ARHGEF10L: variants seen among roughly 807,000 people sequenced by gnomAD.
The protein encoded by ARHGEF10L is Rho guanine nucleotide exchange factor 10 like.
ARHGEF10L carries 69 observed loss-of-function variants against 141.2 expected under a neutral mutation model. The observed-to-expected ratio is 0.49, with a 90% CI of 0.40 to 0.60. The LOEUF is 0.60. Among genes scored for constraint, ARHGEF10L ranks in the 20% least tolerant of loss-of-function variants. ARHGEF10L has a pLI of 0.00. For synonymous variants in ARHGEF10L, 711 were observed against 718.5 expected (o/e 0.99, Z 0.17); for missense variants, 1,482 against 1,734.3 (o/e 0.85, Z 2.58).
chr1:17,547,746 T>G (rs532271504), intron 1 of ARHGEF10L, among the ~76,000 whole-genome samples: 12 of 152,306 alleles, frequency 7.9e-5, no homozygotes, highest in African/African-American at 2.6e-4. Flanking sequence ...GCATGACCAC[T>G]GAAGAAAACA....
rs1394663761 is a variant in ARHGEF10L at position 17,675,979 on chromosome 1, G to A, written c.3009+11384G>A. On this transcript the variant is annotated intron_variant, in intron 26 of 28. Transcript: ENST00000361221. ...GTGTACAGGTGTGTGTGCAAGTGTG[G>A]GTGCAGGTGTGTGCAGGTGTGGGTG... Among the ~76,000 whole-genome samples the A allele has an allele frequency of 2.2e-5, 3 of 134,612 alleles. No homozygotes were observed. In the East Asian group the frequency reaches 7.0e-4, roughly 32 times the overall value. The allele number at this position is 134,612 out of a possible 152,430, so 88.3% of individuals were successfully genotyped here. A position where few individuals can be genotyped will look rare whatever the true frequency, so the allele number is the denominator to read the frequency against.
At chr1:17,633,216 C>T (rs2101704014) in intron 16 of ARHGEF10L, among the ~76,000 whole-genome samples, 1 of 152,366 alleles carries the variant, frequency 6.6e-6, no homozygotes, top group South Asian at 2.1e-4. Context: ...GCCCAGCTCA[C>T]CTGCTCGCAT....
At position 17,558,393 on chromosome 1, in the gene ARHGEF10L, C is replaced by T. The variant is rs947499009; in HGVS notation, c.-44+18443C>T. Among the ~76,000 whole-genome samples the T allele has an allele frequency of 2.0e-5, 3 of 152,306 alleles. No individual in the cohort carries two copies. Among genetic ancestry groups the T allele is most frequent in the Non-Finnish European group, 4.4e-5 (3 of 68,026 alleles). ...ACAGAAATGAAAGGCATTATTCTTG[C>T]CTTCAAGGAACTCACAGTCTAGTGG... On this transcript the variant is annotated intron_variant, in intron 1 of 28. Coordinates refer to ENST00000361221, the MANE Select transcript of ARHGEF10L (RefSeq NM_018125.4). This position sits in a 1 kb window ranked among gnomAD's most constrained non-coding sequence, Gnocchi z 4.2.
chr1:17,544,872 T>C (rs2764882), intron 1 of ARHGEF10L, among the ~76,000 whole-genome samples: 93,750 of 151,900 alleles, frequency 0.62, 29,361 homozygotes, highest in East Asian at 0.8. Flanking sequence ...AAAGGCACAT[T>C]TTACATGGTG....
At chr1:17,649,399 G>T (rs531205174) in intron 22 of ARHGEF10L, among the ~76,000 whole-genome samples, 24 of 152,276 alleles carry the variant, frequency 1.6e-4, no homozygotes, top group African/African-American at 5.8e-4. Context: ...GGGAGATGAG[G>T]TCATCTCAGC....
chr1:17,618,256 C>CG, intron 9 of ARHGEF10L: 1 of 1,371,144 alleles, frequency 7.3e-7, no homozygotes. Flanking sequence ...CTCCTCAGCC[C>CG]TCCCCACCCC....
chr1:17,545,615 A>G (rs2248697), intron 1 of ARHGEF10L, among the ~76,000 whole-genome samples: 11,744 of 152,218 alleles, frequency 0.077, 512 homozygotes, highest in African/African-American at 0.098. Flanking sequence ...CCGTGGACAA[A>G]TTAAGTAGCT....
intron 4 of ARHGEF10L, among the ~76,000 whole-genome samples, chr1:17,589,745 G>A (rs2079372422): frequency 6.6e-6 from 1 of 152,198 alleles, no homozygotes; most frequent in African/African-American, 2.4e-5. Flanking sequence ...GGCCGTGATG[G>A]CTGCAGTCTT....
intron 26 of ARHGEF10L, among the ~76,000 whole-genome samples, chr1:17,679,294 A>G (rs186340557): frequency 1.2e-3 from 190 of 152,346 alleles, no homozygotes; most frequent in Non-Finnish European, 1.7e-3. Flanking sequence ...CTCCTGGTGC[A>G]CAACCTCTTG....
At chr1:17,540,756 C>G (rs2076695927) in intron 1 of ARHGEF10L, among the ~76,000 whole-genome samples, 1 of 152,204 alleles carries the variant, frequency 6.6e-6, no homozygotes, top group Admixed American at 6.5e-5. Context: ...CTGCACTTTC[C>G]CACTGGCTTT....
chr1:17,634,721 C>G (rs917517195), intron 17 of ARHGEF10L, 114 bp from the exon 18 acceptor site: 1 of 1,455,218 alleles, frequency 6.9e-7, no homozygotes, highest in African/African-American at 1.4e-5. Flanking sequence ...TGAGGTCTTG[C>G]GCTGGGGCTG....
chr1:17,668,154 C>T (rs538732107), intron 26 of ARHGEF10L, among the ~76,000 whole-genome samples: 1 of 152,294 alleles, frequency 6.6e-6, no homozygotes, highest in East Asian at 1.9e-4. Context: ...GCAGGGTGAA[C>T]ATTATTTGCT....
intron 15 of ARHGEF10L, among the ~76,000 whole-genome samples, chr1:17,628,517 C>T (rs1425934871): frequency 6.6e-6 from 1 of 152,040 alleles, no homozygotes; most frequent in East Asian, 1.9e-4. Context: ...ACACCCCAGC[C>T]CCCCTGTTCA....
At chr1:17,604,070 C>T (rs577286437) in intron 6 of ARHGEF10L, among the ~76,000 whole-genome samples, 3 of 152,112 alleles carry the variant, frequency 2.0e-5, no homozygotes, top group Non-Finnish European at 4.4e-5. Flanking sequence ...CTGGAACTCA[C>T]CTGATGGAAG....
chr1:17,597,282 G>T (rs2080200080), intron 4 of ARHGEF10L, among the ~76,000 whole-genome samples: 1 of 152,126 alleles, frequency 6.6e-6, no homozygotes, highest in Non-Finnish European at 1.5e-5. Context: ...GGTTTTTATG[G>T]CTCTTTTATG....
chr1:17,587,843 G>T (rs1042981071), intron 3 of ARHGEF10L, among the ~76,000 whole-genome samples, 198 bp downstream of exon 3: 2 of 152,238 alleles, frequency 1.3e-5, no homozygotes, highest in African/African-American at 4.8e-5. Context: ...GCAACATCTG[G>T]CGCACTTTGG....
At chr1:17,520,436 C>T in the ARHGEF10L span, among the ~76,000 whole-genome samples, 2 of 152,350 alleles carry the variant, frequency 1.3e-5, no homozygotes, top group African/African-American at 2.4e-5. Context: ...CGGAGGACTG[C>T]GATTGGACTG....
chr1:17,534,849 A>G (rs1300249179), upstream of ARHGEF10L, among the ~76,000 whole-genome samples: 1 of 151,786 alleles, frequency 6.6e-6, no homozygotes, highest in African/African-American at 2.4e-5. Context: ...TTGGCATCCT[A>G]AAGTGCTGAG....
chr1:17,522,196 T>A, the ARHGEF10L span, among the ~76,000 whole-genome samples: 2 of 152,212 alleles, frequency 1.3e-5, no homozygotes, highest in South Asian at 4.1e-4. Context: ...ATCAACATTT[T>A]GGCCTCCTGG....
Sources: gnomAD v4.1 joint callset for allele counts (sites outside exome capture counted in the v4.1 genomes callset) on GRCh38, gnomAD v4.1.1 for gene constraint, Gnocchi (gnomAD v3.1) non-coding constraint, MANE v1.5 for transcripts, NCBI Gene and HGNC (gene_info 2026-07-23, HGNC 2026-07-21) for gene names.